The following PCDHA8 variants were observed in gnomAD, a reference collection of about 807,000 sequenced individuals.
PCDHA8 encodes protocadherin alpha 8, also known as protocadherin alpha-8.
In PCDHA8, 53 loss-of-function variants were observed where a neutral mutation model predicts 61.8. The ratio of observed to expected loss-of-function variants is 0.86; its 90% CI spans 0.69 to 1.08. The LOEUF (loss-of-function observed/expected upper bound fraction) is 1.08, where lower values mean the gene tolerates loss of function less well. Among genes scored for constraint, PCDHA8 ranks in the 50% least tolerant of loss-of-function variants. PCDHA8 has a pLI of 0.00. For synonymous variants in PCDHA8, 618 were observed against 556.6 expected, an observed-to-expected ratio of 1.11 and a Z score of -1.55; for missense variants, 1,293 against 1,245.0, an observed-to-expected ratio of 1.04 and a Z score of -0.58.
At chr5:141,001,997 C>G (rs2098052259) in intron 3 of PCDHA8, among the ~76,000 whole-genome samples, 1 of 152,190 alleles carries the variant, frequency 6.6e-6, no homozygotes, top group Admixed American at 6.5e-5. Context: ...AGTTCACTTG[C>G]AAACACAGAA....
In PCDHA8 at chr5:140,842,708, T is replaced by C. The variant is rs2150342617; in HGVS notation, c.1387T>C (p.Phe463Leu). 1 of 1,595,018 alleles carries C rather than the reference T, an allele frequency of 6.3e-7. No individual in the cohort carries two copies. Among genetic ancestry groups the C allele is most frequent in the African/African-American group, 1.3e-5 (1 of 74,208 alleles). ...PAFAQPEYTV[F>L]VKENNPPGCH... is the part of the protein sequence containing the mutation. Reference sequence around the variant, plus strand: ...GTTCGCGCAGCCCGAGTACACGGTGTTCGTGAAGGAGAACAACCCGCCGGG... The same window carrying C: ...GTTCGCGCAGCCCGAGTACACGGTGCTCGTGAAGGAGAACAACCCGCCGGG... The change falls in exon 1 of 4, where the codon TTC becomes CTC. Residue 463 changes from phenylalanine (F) to leucine (L), a missense_variant. Physicochemically the swap from Phe to Leu is conservative, Grantham distance 22. Coordinates refer to ENST00000531613, the MANE Select transcript of PCDHA8 (RefSeq NM_018911.3).
chr5:140,851,794 T>A, intron 1 of PCDHA8: 1 of 954,488 alleles, frequency 1.0e-6, no homozygotes, highest in Non-Finnish European at 1.3e-6. Flanking sequence ...ATTCACTTGT[T>A]CTGTCAGTAA....
intron 1 of PCDHA8, among the ~76,000 whole-genome samples, chr5:140,944,406 C>T (rs1003379783): frequency 2.0e-5 from 3 of 152,084 alleles, no homozygotes; most frequent in Non-Finnish European, 2.9e-5. Flanking sequence ...AGGCTGGTCT[C>T]GAACTCCTGA....
At chr5:140,960,380 A>G (rs2095544105) in intron 1 of PCDHA8, among the ~76,000 whole-genome samples, 2 of 152,200 alleles carry the variant, frequency 1.3e-5, no homozygotes, top group African/African-American at 4.8e-5. Flanking sequence ...TTAAGTGCCA[A>G]GACATTAGGA....
chr5:140,963,856 C>T lies in PCDHA8; in HGVS notation c.2395-15093C>T, dbSNP rs76429225. 1.1e-4 allele frequency among the ~76,000 whole-genome samples: 16 copies of T among 152,242 alleles called. No individual in the cohort carries two copies. The East Asian group carries it at 2.5e-3, about 24-fold the overall frequency. On this transcript the variant is annotated intron_variant, in intron 1 of 3. Coordinates refer to ENST00000531613, the MANE Select transcript of PCDHA8 (RefSeq NM_018911.3). ...TTTCTCATGTAATCATAATAATAAC[C>T]GTATGAGTTTTGCTTACTATTGTTT... is the stretch of plus-strand genomic sequence containing the variant.
intron 1 of PCDHA8, among the ~76,000 whole-genome samples, chr5:140,957,228 T>C (rs1189952927): frequency 6.6e-6 from 1 of 152,148 alleles, no homozygotes; most frequent in Non-Finnish European, 1.5e-5. Flanking sequence ...TGGCGAAGCA[T>C]TTTGGCATGT....
chr5:140,871,712 A>G, intron 1 of PCDHA8: 1 of 805,086 alleles, frequency 1.2e-6, no homozygotes, highest in South Asian at 2.2e-5. Context: ...TAAATGTCCT[A>G]TTTCTCTTAA....
chr5:140,969,148 G>T, intron 1 of PCDHA8: 1 of 1,614,102 alleles, frequency 6.2e-7, no homozygotes. Flanking sequence ...ACTGCTACAA[G>T]GCCTGTCTGA....
intron 1 of PCDHA8, among the ~76,000 whole-genome samples, chr5:140,943,236 TCA>T (rs1454947972): frequency 5.6e-5 from 7 of 124,930 alleles, no homozygotes; most frequent in African/African-American, 1.9e-4. Flanking sequence ...CCAGCCTGGG[TCA>T]CAGAGTGAGA....
intron 1 of PCDHA8, among the ~76,000 whole-genome samples, chr5:140,895,700 A>G (rs2065117583): frequency 6.6e-6 from 1 of 152,022 alleles, no homozygotes; most frequent in Non-Finnish European, 1.5e-5. Context: ...ATATTAATTC[A>G]CTTGGGATAA....
chr5:140,867,814 A>G (rs1277915043), intron 1 of PCDHA8: 1 of 152,106 alleles, frequency 6.6e-6, no homozygotes, highest in East Asian at 1.9e-4. Flanking sequence ...ATGAAATTCC[A>G]TTTCCACAAG....
intron 1 of PCDHA8, chr5:140,927,108 C>A (rs782811125): frequency 6.2e-7 from 1 of 1,613,646 alleles, no homozygotes; most frequent in Non-Finnish European, 8.5e-7. Context: ...ATCTACCCAG[C>A]GGCAATTTGG....
chr5:140,871,036 C>A (rs781977409), intron 1 of PCDHA8: 2 of 1,613,156 alleles, frequency 1.2e-6, no homozygotes, highest in East Asian at 2.2e-5. Flanking sequence ...GCCGCGCCAC[C>A]GACTTCTAGT....
intron 1 of PCDHA8, among the ~76,000 whole-genome samples, chr5:140,934,327 T>C (rs1379362644): frequency 1.3e-5 from 2 of 152,152 alleles, no homozygotes; most frequent in African/African-American, 4.8e-5. Flanking sequence ...CAATCATGAA[T>C]GTAATAACCA....
chr5:140,985,421 G>T (rs1554247049), intron 3 of PCDHA8, among the ~76,000 whole-genome samples: 1 of 152,110 alleles, frequency 6.6e-6, no homozygotes, highest in African/African-American at 2.4e-5. Context: ...GGAGTGAGGA[G>T]GATTTATTAG....
At chr5:140,856,963 T>C (rs1249230816) in intron 1 of PCDHA8, 1 of 1,590,702 alleles carries the variant, frequency 6.3e-7, no homozygotes, top group African/African-American at 1.3e-5. Context: ...AAGTAAATGA[T>C]GCTATTGACT....
At chr5:140,871,497 G>T in intron 1 of PCDHA8, 1 of 1,586,946 alleles carries the variant, frequency 6.3e-7, no homozygotes, top group East Asian at 2.3e-5. Context: ...CCGGACAGGT[G>T]AGTTTTCTAC....
chr5:140,858,781 T>C, intron 1 of PCDHA8: 1 of 406,616 alleles, frequency 2.5e-6, no homozygotes, highest in Non-Finnish European at 4.5e-6. Flanking sequence ...TAGTACTTCA[T>C]GTTATTTCAT....
chr5:140,877,377 C>T (rs575601254), intron 1 of PCDHA8: 2 of 1,614,008 alleles, frequency 1.2e-6, no homozygotes, highest in Non-Finnish European at 1.7e-6. Context: ...GCACGACACG[C>T]ATCCTGGATG....
Sources: allele counts gnomAD v4.1 joint callset (sites outside exome capture counted in the v4.1 genomes callset), GRCh38; gene constraint gnomAD v4.1.1; transcripts MANE v1.5; gene names NCBI Gene and HGNC (gene_info 2026-07-23, HGNC 2026-07-21).